RIMS1: variants seen among roughly 807,000 people sequenced by gnomAD.
RIMS1 encodes the protein regulating synaptic membrane exocytosis 1.
Under a neutral mutation model 214.1 loss-of-function variants are expected in RIMS1, and 83 were observed. The ratio of observed to expected loss-of-function variants is 0.39; its 90% CI spans 0.32 to 0.47. The LOEUF is 0.47. RIMS1 is among the 20% of genes least tolerant of loss of function. The pLI, the probability that RIMS1 is intolerant of heterozygous loss-of-function variation, is 0.99. For synonymous variants in RIMS1, 793 were observed against 786.8 expected, an observed-to-expected ratio of 1.01 and a Z score of -0.13; for missense variants, 2,050 against 2,161.8, an observed-to-expected ratio of 0.95 and a Z score of 1.03.
At chr6:72,209,207 T>A (rs2053416354) in intron 6 of RIMS1, among the ~76,000 whole-genome samples, 1 of 152,234 alleles carries the variant, frequency 6.6e-6, no homozygotes, top group Non-Finnish European at 1.5e-5. Flanking sequence ...CAGAGCCCCC[T>A]TGATAGATAG....
intron 1 of RIMS1, among the ~76,000 whole-genome samples, chr6:71,952,293 G>C (rs1484580723): frequency 6.6e-6 from 1 of 151,916 alleles, no homozygotes; most frequent in Non-Finnish European, 1.5e-5. Context: ...GCTAAATATA[G>C]TCATTATCTA....
intron 2 of RIMS1, among the ~76,000 whole-genome samples, chr6:72,007,066 G>GC (rs964555803): frequency 3.9e-5 from 6 of 152,092 alleles, no homozygotes; most frequent in African/African-American, 9.7e-5. Context: ...TAACTGGGAG[G>GC]CCCCCCCAAG....
At chr6:72,310,662 G>C (rs762904763) in intron 27 of RIMS1, among the ~76,000 whole-genome samples, 4 of 151,730 alleles carry the variant, frequency 2.6e-5, no homozygotes, top group Admixed American at 1.3e-4. Flanking sequence ...CTGTAGGATC[G>C]GTAGAAATTC....
At chr6:72,099,439 G>A (rs942277927) in intron 3 of RIMS1, among the ~76,000 whole-genome samples, 9 of 152,138 alleles carry the variant, frequency 5.9e-5, no homozygotes, top group African/African-American at 1.9e-4. Flanking sequence ...ACGTTGAAAT[G>A]TGTATCACAA....
At chr6:72,234,374 G>A (rs1562877038) in intron 7 of RIMS1, among the ~76,000 whole-genome samples, 1 of 151,918 alleles carries the variant, frequency 6.6e-6, no homozygotes, top group African/African-American at 2.4e-5. Flanking sequence ...AAGAAAGCAA[G>A]TTGTTTATTT....
At chr6:72,358,759 C>G (rs1431686158) in intron 29 of RIMS1, among the ~76,000 whole-genome samples, 1 of 152,048 alleles carries the variant, frequency 6.6e-6, no homozygotes, top group Non-Finnish European at 1.5e-5. Flanking sequence ...AGGAAAGACA[C>G]CTTTTGCATT....
At chr6:72,379,776 A>G (rs1484470541) in intron 29 of RIMS1, among the ~76,000 whole-genome samples, 1 of 152,174 alleles carries the variant, frequency 6.6e-6, no homozygotes, top group African/African-American at 2.4e-5. Flanking sequence ...AAGGCTCAGT[A>G]GGCTGCCTGC....
At chr6:71,975,426 C>T (rs1796891842) in intron 2 of RIMS1, among the ~76,000 whole-genome samples, 1 of 152,188 alleles carries the variant, frequency 6.6e-6, no homozygotes, top group Admixed American at 6.5e-5. Context: ...AATATGATAG[C>T]CAAGGAAAAA....
intron 2 of RIMS1, among the ~76,000 whole-genome samples, chr6:72,008,531 A>G (rs375804233): frequency 9.2e-5 from 14 of 152,350 alleles, no homozygotes; most frequent in East Asian, 5.8e-4. Context: ...AAACTGGCAA[A>G]TTGGATAAAG....
chr6:72,057,977 A>G (rs757209075), intron 2 of RIMS1, among the ~76,000 whole-genome samples: 1 of 152,238 alleles, frequency 6.6e-6, no homozygotes. Flanking sequence ...AGGCTTCCCT[A>G]CTTAATACAG....
At chr6:72,081,294 C>T (rs1369642151) in intron 2 of RIMS1, among the ~76,000 whole-genome samples, 2 of 152,162 alleles carry the variant, frequency 1.3e-5, no homozygotes, top group East Asian at 3.9e-4. Flanking sequence ...TCATTTTGAC[C>T]AATTGCTACA....
intron 16 of RIMS1, among the ~76,000 whole-genome samples, chr6:72,255,672 A>C (rs2075500605): frequency 6.6e-6 from 1 of 152,192 alleles, no homozygotes; most frequent in Non-Finnish European, 1.5e-5. Context: ...TAGCAACTTC[A>C]ACCAGAAAAT....
At chr6:72,101,222 G>A (rs2033496484) in intron 4 of RIMS1, among the ~76,000 whole-genome samples, 1 of 151,896 alleles carries the variant, frequency 6.6e-6, no homozygotes, top group Non-Finnish European at 1.5e-5. Context: ...GGTTATTTGT[G>A]CTTGTTATGA....
At chr6:72,053,307 G>A (rs16882059) in intron 2 of RIMS1, among the ~76,000 whole-genome samples, 10,351 of 152,182 alleles carry the variant, frequency 0.068, 393 homozygotes, top group Non-Finnish European at 0.082. Flanking sequence ...TTTTTTAGAT[G>A]GCATATTTAC....
At chr6:71,998,621 C>T (rs1370245417) in intron 2 of RIMS1, among the ~76,000 whole-genome samples, 1 of 152,146 alleles carries the variant, frequency 6.6e-6, no homozygotes, top group Non-Finnish European at 1.5e-5. Context: ...AAATCCATAT[C>T]ATCGATTTGA....
At chr6:72,195,741 A>G (rs953283613) in intron 6 of RIMS1, among the ~76,000 whole-genome samples, 2 of 152,140 alleles carry the variant, frequency 1.3e-5, no homozygotes, top group Non-Finnish European at 2.9e-5. Context: ...AATTTTGACT[A>G]GAAGTGTATT....
chr6:72,120,327 CT>C (rs1271171498), intron 4 of RIMS1, among the ~76,000 whole-genome samples: 1 of 151,782 alleles, frequency 6.6e-6, no homozygotes, highest in Non-Finnish European at 1.5e-5. Flanking sequence ...TGTTTCCTGA[CT>C]TTTTAATGAT....
chr6:72,187,479 G>GTTTTTTTTT (rs61420518), intron 6 of RIMS1, among the ~76,000 whole-genome samples: 2 of 125,610 alleles, frequency 1.6e-5, no homozygotes, highest in Non-Finnish European at 3.2e-5. Context: ...TATCCTTTTT[G>GTTTTTTTTT]TTTTTTTTTT....
At chr6:72,275,141 TATATATATATATATATATATATA>T (rs2085599503) in intron 23 of RIMS1, among the ~76,000 whole-genome samples, 1 of 5,420 alleles carries the variant, frequency 1.8e-4, no homozygotes, top group Non-Finnish European at 3.5e-4. Flanking sequence ...TATATATATA[TATATATATATATATATATATATA>T]TATATATATA....
Sources: gnomAD v4.1 joint callset for allele counts (sites outside exome capture counted in the v4.1 genomes callset) on GRCh38, gnomAD v4.1.1 for gene constraint, MANE v1.5 for transcripts, NCBI Gene and HGNC (gene_info 2026-07-23, HGNC 2026-07-21) for gene names.